Variants in NDUFA8 observed in about 807,000 individuals in gnomAD.
NDUFA8 encodes NADH:ubiquinone oxidoreductase subunit A8.
NDUFA8 carries 16 observed loss-of-function variants against 20.9 expected under a neutral mutation model. The ratio of observed to expected loss-of-function variants is 0.77; its 90% CI spans 0.52 to 1.16. The LOEUF (loss-of-function observed/expected upper bound fraction) is 1.16. NDUFA8 is among the 50% of genes most tolerant of loss of function. The probability of loss-of-function intolerance (pLI) is 0.00; values close to 1 mark genes in which losing one functional copy is unlikely to be tolerated. For synonymous variants in NDUFA8, 70 were observed against 76.1 expected, an observed-to-expected ratio of 0.92 and a Z score of 0.41; for missense variants, 202 against 216.4, an observed-to-expected ratio of 0.93 and a Z score of 0.42.
chr9:122,156,610 T>A (rs1829079202), intron 1 of NDUFA8, among the ~76,000 whole-genome samples: 1 of 152,240 alleles, frequency 6.6e-6, no homozygotes, highest in Non-Finnish European at 1.5e-5. Flanking sequence ...CTGACTGCTT[T>A]TTCAATGGGG....
At chr9:122,141,868 A>C (rs986325295), downstream of NDUFA8, among the ~76,000 whole-genome samples, 1 of 152,168 alleles carries the variant, frequency 6.6e-6, no homozygotes, top group Non-Finnish European at 1.5e-5. Flanking sequence ...AGGAAAGCCA[A>C]AAGTCAGTTT....
At chr9:122,157,050 G>A (rs969583126) in intron 1 of NDUFA8, among the ~76,000 whole-genome samples, 9 of 152,096 alleles carry the variant, frequency 5.9e-5, no homozygotes, top group Non-Finnish European at 4.4e-5. Context: ...ACTTCTTAAC[G>A]GGTACTGAAA....
chr9:122,146,037 T>C (rs1828899500), intron 3 of NDUFA8, among the ~76,000 whole-genome samples: 1 of 152,094 alleles, frequency 6.6e-6, no homozygotes, highest in Non-Finnish European at 1.5e-5. Context: ...TAATCCCAGC[T>C]ACTCAAGAGG....
At chr9:122,140,302 AT>A (rs1828800595), downstream of NDUFA8, among the ~76,000 whole-genome samples, 1 of 152,252 alleles carries the variant, frequency 6.6e-6, no homozygotes, top group Admixed American at 6.5e-5. Flanking sequence ...ACATAAAGGC[AT>A]CACAACCTCA....
At chr9:122,148,307 T>C (rs1206582952) in intron 2 of NDUFA8, 30 bp from the exon 3 acceptor site, 21 of 1,612,750 alleles carry the variant, frequency 1.3e-5, no homozygotes, top group Non-Finnish European at 1.8e-5. Context: ...TAGGGGCATC[T>C]CTTTGCAAAA....
intron 3 of NDUFA8, among the ~76,000 whole-genome samples, chr9:122,147,073 T>C (rs1179651661): frequency 3.9e-5 from 6 of 152,196 alleles, no homozygotes; most frequent in Non-Finnish European, 7.3e-5. Context: ...GACATAAGAT[T>C]TGTTTTCCAC....
At chr9:122,148,395 G>A (rs746513483) in intron 2 of NDUFA8, 118 bp from the exon 3 acceptor site, 35 of 1,147,906 alleles carry the variant, frequency 3.0e-5, no homozygotes, top group Non-Finnish European at 4.4e-5. Flanking sequence ...AGGTATGTGA[G>A]TACATATTCT....
the NDUFA8 span, among the ~76,000 whole-genome samples, chr9:122,133,167 G>A: frequency 1.3e-5 from 2 of 152,100 alleles, no homozygotes; most frequent in African/African-American, 4.8e-5. Context: ...GGCCGAGCTG[G>A]GAATTGAACC....
At chr9:122,134,704 A>G in the NDUFA8 span, among the ~76,000 whole-genome samples, 1 of 152,142 alleles carries the variant, frequency 6.6e-6, no homozygotes, top group Non-Finnish European at 1.5e-5. Context: ...TCTAGGCTCA[A>G]TCCTAATTTC....
downstream of NDUFA8, among the ~76,000 whole-genome samples, chr9:122,139,458 A>G (rs1316262921): frequency 6.6e-6 from 1 of 152,140 alleles, no homozygotes; most frequent in Non-Finnish European, 1.5e-5. Flanking sequence ...GCCTCCACCA[A>G]TGGAATGGAA....
downstream of NDUFA8, among the ~76,000 whole-genome samples, chr9:122,142,072 A>C (rs1367894645): frequency 2.6e-5 from 4 of 152,222 alleles, no homozygotes; most frequent in African/African-American, 9.7e-5. Context: ...AATTAGTCAT[A>C]GATCCTTCTC....
intron 2 of NDUFA8, among the ~76,000 whole-genome samples, chr9:122,150,410 C>CAAAAA (rs60728190): frequency 4.1e-4 from 8 of 19,650 alleles, no homozygotes; most frequent in Non-Finnish European, 5.6e-4. Context: ...CACCCCATCA[C>CAAAAA]AAAAAAAAAA....
At chr9:122,143,171 A>G (rs1389729822), downstream of NDUFA8, among the ~76,000 whole-genome samples, 2 of 152,132 alleles carry the variant, frequency 1.3e-5, no homozygotes, top group East Asian at 3.9e-4. Flanking sequence ...CCCACTTAGA[A>G]AATCTAGAAT....
chr9:122,150,629 C>A (rs61249479), intron 2 of NDUFA8, among the ~76,000 whole-genome samples: 25,006 of 151,758 alleles, frequency 0.16, 2,542 homozygotes, highest in African/African-American at 0.27. Context: ...TGGTCAGGTA[C>A]GTTATGGTTG....
chr9:122,138,510 G>A, the NDUFA8 span, among the ~76,000 whole-genome samples: 1 of 152,008 alleles, frequency 6.6e-6, no homozygotes, highest in Non-Finnish European at 1.5e-5. Flanking sequence ...GTAAAATCCC[G>A]GGCCTCGTTT....
At chr9:122,150,946 TGG>T (rs1828985767) in intron 2 of NDUFA8, among the ~76,000 whole-genome samples, 1 of 114,636 alleles carries the variant, frequency 8.7e-6, no homozygotes, top group Non-Finnish European at 1.6e-5. Context: ...CACTCCAGCC[TGG>T]GCAACAGAGT....
intron 1 of NDUFA8, among the ~76,000 whole-genome samples, chr9:122,157,911 T>C (rs150291642): frequency 0.075 from 11,468 of 152,258 alleles, 560 homozygotes; most frequent in Non-Finnish European, 0.11. Context: ...CCCAGCACTT[T>C]GGGAGGCCGA....
chr9:122,142,476 T>C (rs1828837672), downstream of NDUFA8, among the ~76,000 whole-genome samples: 1 of 152,206 alleles, frequency 6.6e-6, no homozygotes, highest in Non-Finnish European at 1.5e-5. Context: ...CATCAGGATT[T>C]AAAGGCCTCT....
At chr9:122,138,874 G>GGT in the NDUFA8 span, among the ~76,000 whole-genome samples, 2 of 138,742 alleles carry the variant, frequency 1.4e-5, no homozygotes, top group Non-Finnish European at 3.2e-5. Context: ...GTGGGGGGGG[G>GGT]GCCATCTGAG....
Sources: allele counts gnomAD v4.1 joint callset (sites outside exome capture counted in the v4.1 genomes callset), GRCh38; gene constraint gnomAD v4.1.1; transcripts MANE v1.5; gene names NCBI Gene and HGNC (gene_info 2026-07-23, HGNC 2026-07-21).